The following IQGAP2 variants were observed in gnomAD, a reference collection of about 807,000 sequenced individuals.
The protein encoded by IQGAP2 is ras GTPase-activating-like protein IQGAP2.
Under a neutral mutation model 201.3 loss-of-function variants are expected in IQGAP2, and 173 were observed. The ratio of observed to expected loss-of-function variants is 0.86; its 90% CI spans 0.76 to 0.98. The LOEUF (loss-of-function observed/expected upper bound fraction) is 0.98, where lower values mean the gene tolerates loss of function less well. IQGAP2 is among the 50% of genes least tolerant of loss of function. The probability of loss-of-function intolerance (pLI) is 0.00; values close to 1 mark genes in which losing one functional copy is unlikely to be tolerated. For missense variants in IQGAP2, 1,687 were observed against 1,864.8 expected (o/e 0.90, Z 1.76); for synonymous variants, 675 against 673.9 (o/e 1.00, Z -0.03).
chr5:76,428,023 G>T (rs1752111414), intron 1 of IQGAP2, among the ~76,000 whole-genome samples: 1 of 152,144 alleles, frequency 6.6e-6, no homozygotes. Flanking sequence ...GACAGCCTGA[G>T]ACAGATGGCT....
At chr5:76,412,014 T>C (rs1328795356) in intron 1 of IQGAP2, among the ~76,000 whole-genome samples, 4 of 151,754 alleles carry the variant, frequency 2.6e-5, no homozygotes, top group Non-Finnish European at 5.9e-5. Flanking sequence ...ATGTCCTCCT[T>C]CTCCATTTTT....
chr5:76,703,539 GATATCT>G (rs1747608408), intron 35 of IQGAP2, among the ~76,000 whole-genome samples: 1 of 150,986 alleles, frequency 6.6e-6, no homozygotes, highest in Admixed American at 6.6e-5. Flanking sequence ...ATGCAAAACA[GATATCT>G]ATACATAGAA....
At chr5:76,550,183 T>C (rs1337732903) in intron 2 of IQGAP2, among the ~76,000 whole-genome samples, 1 of 152,058 alleles carries the variant, frequency 6.6e-6, no homozygotes, top group Non-Finnish European at 1.5e-5. Flanking sequence ...AGGCTTAGGA[T>C]AGACATTTCC....
chr5:76,690,189 G>A (rs1031551646), intron 30 of IQGAP2, among the ~76,000 whole-genome samples: 1 of 152,148 alleles, frequency 6.6e-6, no homozygotes, highest in African/African-American at 2.4e-5. Context: ...ATTTGGACTG[G>A]GGTGGGAAGG....
intron 1 of IQGAP2, among the ~76,000 whole-genome samples, chr5:76,452,093 C>T (rs570976143): frequency 1.3e-5 from 2 of 149,658 alleles, no homozygotes; most frequent in South Asian, 2.1e-4. Context: ...TAAAGTAATA[C>T]AGGTAAATGG....
At chr5:76,469,478 G>A (rs1026406810) in intron 2 of IQGAP2, among the ~76,000 whole-genome samples, 8 of 151,584 alleles carry the variant, frequency 5.3e-5, no homozygotes, top group African/African-American at 1.5e-4. Flanking sequence ...TCGGCTCACC[G>A]TAACCTCCAC....
intron 14 of IQGAP2, chr5:76,628,783 C>T (rs1413919788): frequency 4.4e-6 from 2 of 449,660 alleles, no homozygotes; most frequent in African/African-American, 2.0e-5. Flanking sequence ...AACTTTTATT[C>T]CCTAAGGAAC....
chr5:76,407,503 T>TCGTTTGAACCATAGAAAGGTATA, intron 1 of IQGAP2, among the ~76,000 whole-genome samples: 1 of 152,322 alleles, frequency 6.6e-6, no homozygotes, highest in South Asian at 2.1e-4. Context: ...ATCAGTGCTT[T>TCGTTTGAACCATAGAAAGGTATA]CGTTTGAACC....
intron 2 of IQGAP2, among the ~76,000 whole-genome samples, chr5:76,505,738 T>C (rs1199561549): frequency 6.6e-6 from 1 of 152,198 alleles, no homozygotes; most frequent in African/African-American, 2.4e-5. Context: ...TTCAGTCTGC[T>C]TCAGCTCTTC....
intron 14 of IQGAP2, chr5:76,628,654 G>T (rs546205471): frequency 2.2e-6 from 1 of 455,138 alleles, no homozygotes; most frequent in Non-Finnish European, 4.4e-6. Flanking sequence ...GTCAGAGAAG[G>T]TTCTTAAGAT....
intron 1 of IQGAP2, among the ~76,000 whole-genome samples, chr5:76,440,469 C>T (rs1284563289): frequency 6.6e-6 from 1 of 152,100 alleles, no homozygotes; most frequent in East Asian, 1.9e-4. Context: ...AAGATGTGCT[C>T]AGTGATGGCT....
At chr5:76,636,821 A>G (rs1751165596) in intron 15 of IQGAP2, among the ~76,000 whole-genome samples, 1 of 152,176 alleles carries the variant, frequency 6.6e-6, no homozygotes, top group Non-Finnish European at 1.5e-5. Flanking sequence ...AGCTAGCCTT[A>G]GATATTTGTG....
At chr5:76,639,594 T>C (rs1751407133) in intron 16 of IQGAP2, among the ~76,000 whole-genome samples, 1 of 152,210 alleles carries the variant, frequency 6.6e-6, no homozygotes, top group South Asian at 2.1e-4. Context: ...ATACTGATGA[T>C]AATTAAGTTC....
chr5:76,536,629 C>T (rs185075642), intron 2 of IQGAP2, among the ~76,000 whole-genome samples: 1 of 151,742 alleles, frequency 6.6e-6, no homozygotes, highest in Non-Finnish European at 1.5e-5. Context: ...TGTGGTGGTG[C>T]ACGCCTGTAA....
chr5:76,478,171 G>A (rs1004522729), intron 2 of IQGAP2, among the ~76,000 whole-genome samples: 39 of 152,126 alleles, frequency 2.6e-4, no homozygotes, highest in African/African-American at 9.2e-4. Context: ...AGGCCAAGGC[G>A]GGTGGATCAC....
intron 12 of IQGAP2, chr5:76,609,316 A>G: frequency 7.7e-7 from 1 of 1,293,136 alleles, no homozygotes; most frequent in African/African-American, 1.5e-5. Flanking sequence ...CCTATAGGGT[A>G]AAACGACAGT....
chr5:76,420,319 G>T (rs1751657798), intron 1 of IQGAP2, among the ~76,000 whole-genome samples: 1 of 150,630 alleles, frequency 6.6e-6, no homozygotes, highest in African/African-American at 2.4e-5. Context: ...ACAGTTTTGT[G>T]GTATTAAGTA....
intron 2 of IQGAP2, among the ~76,000 whole-genome samples, chr5:76,544,162 C>G (rs1742954383): frequency 6.6e-6 from 1 of 152,140 alleles, no homozygotes; most frequent in Admixed American, 6.5e-5. Flanking sequence ...CCATGGCACC[C>G]CAAATGTCTG....
rs1347869269 is a variant in IQGAP2 at position 76,702,521 on chromosome 5, T to A, written c.4545T>A (p.Asp1515Glu). ...NVTFDIIATE[D>E]VGIFDVRSKF... ...CATTTGATATCATAGCTACTGAAGA[T>A]GTAGGCATTTTCGATGTAAGATCAA... The change falls in exon 35 of 36, where the codon GAT (aspartate) becomes GAA (glutamate). Residue 1515 changes from aspartate to glutamate, a missense_variant. Physicochemically the swap from Asp to Glu is conservative, Grantham distance 45. Transcript: ENST00000274364. 1 of 1,595,246 alleles carries A rather than the reference T, an allele frequency of 6.3e-7. No individual in the cohort carries two copies. The highest frequency in any genetic ancestry group is 1.1e-5 in the South Asian group (1 of 90,660).
Sources: allele counts gnomAD v4.1 joint callset (sites outside exome capture counted in the v4.1 genomes callset), GRCh38; gene constraint gnomAD v4.1.1; transcripts MANE v1.5; gene names NCBI Gene and HGNC (gene_info 2026-07-23, HGNC 2026-07-21).